The following GAB2 variants were observed in gnomAD, a reference collection of about 807,000 sequenced individuals.
The protein encoded by GAB2 is GRB2 associated binding protein 2, also known as GRB2-associated-binding protein 2.
Under a neutral mutation model 65.5 loss-of-function variants are expected in GAB2, and 26 were observed. The observed-to-expected ratio is 0.40, with a 90% CI of 0.29 to 0.55. GAB2 has a LOEUF of 0.55. GAB2 is among the 20% of genes least tolerant of loss of function. The pLI is 0.53. For synonymous variants in GAB2, 321 were observed against 329.6 expected (o/e 0.97, Z 0.28); for missense variants, 884 against 875.8 (o/e 1.01, Z -0.12).
intron 8 of GAB2, 34 bp from the exon 9 acceptor site, chr11:78,220,478 C>T (rs901669310): frequency 8.5e-6 from 13 of 1,535,414 alleles, no homozygotes; most frequent in African/African-American, 4.1e-5. Flanking sequence ...TGAGTGACTG[C>T]AGAAAACAGA....
At chr11:78,410,481 G>T (rs1857113126) in intron 1 of GAB2, among the ~76,000 whole-genome samples, 1 of 152,206 alleles carries the variant, frequency 6.6e-6, no homozygotes, top group African/African-American at 2.4e-5. Context: ...TCCACCCCAG[G>T]TGACAGAGTG....
chr11:78,301,331 T>TTC (rs1867012635), intron 1 of GAB2, among the ~76,000 whole-genome samples: 1 of 118,456 alleles, frequency 8.4e-6, no homozygotes, highest in African/African-American at 3.9e-5. Context: ...TATCTTGTGG[T>TTC]TTTTTGTTTT....
chr11:78,222,588 A>G (rs1864485227), intron 6 of GAB2, among the ~76,000 whole-genome samples: 1 of 150,256 alleles, frequency 6.7e-6, no homozygotes, highest in Non-Finnish European at 1.5e-5. Context: ...TAACACACAT[A>G]TATGTATTTT....
chr11:78,323,199 A>G (rs1320854445), intron 1 of GAB2, among the ~76,000 whole-genome samples: 1 of 152,110 alleles, frequency 6.6e-6, no homozygotes, highest in African/African-American at 2.4e-5. Context: ...TCATTATTCT[A>G]AGTGAATTAA....
chr11:78,283,608 C>T (rs1866390142), intron 1 of GAB2, among the ~76,000 whole-genome samples: 1 of 152,142 alleles, frequency 6.6e-6, no homozygotes, highest in South Asian at 2.1e-4. Flanking sequence ...ACCACCCCAA[C>T]TGCACCACTG....
chr11:78,399,778 T>C (rs1387126027), intron 1 of GAB2, among the ~76,000 whole-genome samples: 2 of 152,206 alleles, frequency 1.3e-5, no homozygotes, highest in South Asian at 2.1e-4. Flanking sequence ...CAGTACTTAA[T>C]ACTCTGGACT....
At chr11:78,252,103 CCTT>C (rs1865471831) in intron 2 of GAB2, among the ~76,000 whole-genome samples, 2 of 152,216 alleles carry the variant, frequency 1.3e-5, no homozygotes, top group Non-Finnish European at 2.9e-5. Flanking sequence ...ACACAGTTCA[CCTT>C]CTACGCCCTG....
chr11:78,417,616 C>A (rs1156778784), intron 1 of GAB2, 30 bp downstream of exon 1: 4 of 1,268,360 alleles, frequency 3.2e-6, no homozygotes, highest in Non-Finnish European at 4.1e-6. Flanking sequence ...CGCCCCCCGC[C>A]CGCCCCTGGG....
intron 2 of GAB2, among the ~76,000 whole-genome samples, chr11:78,278,610 C>T (rs767390564): frequency 8.6e-5 from 13 of 151,554 alleles, no homozygotes; most frequent in South Asian, 2.1e-4. Context: ...AACTCCAGGC[C>T]TCAGGTGATC....
intron 1 of GAB2, among the ~76,000 whole-genome samples, chr11:78,321,961 C>T (rs1228333126): frequency 6.6e-6 from 1 of 151,668 alleles, no homozygotes; most frequent in East Asian, 1.9e-4. Flanking sequence ...AACTGGACTC[C>T]TACCTATCAT....
intron 1 of GAB2, among the ~76,000 whole-genome samples, chr11:78,299,874 A>T (rs944484068): frequency 2.0e-5 from 3 of 152,218 alleles, no homozygotes; most frequent in Non-Finnish European, 4.4e-5. Flanking sequence ...TTTAATTTGT[A>T]AGAATTCAGT....
intron 2 of GAB2, among the ~76,000 whole-genome samples, chr11:78,272,254 T>C (rs942290863): frequency 2.0e-5 from 3 of 151,716 alleles, no homozygotes; most frequent in African/African-American, 7.3e-5. Context: ...CAGGCAGGGG[T>C]TGGAACAGTT....
rs988209747 is a variant in GAB2, at chr11:78,215,332, C to T, written c.*3940G>A. Reference sequence around the variant, plus strand: ...TCTAGTGGACTTTATTGTCCTGCTCCAACACCACAGTAGAAAGGGACCTGC... The same window carrying T: ...TCTAGTGGACTTTATTGTCCTGCTCTAACACCACAGTAGAAAGGGACCTGC... On this transcript the variant is annotated 3_prime_UTR_variant, in exon 10 of 10. Coordinates refer to ENST00000361507, the MANE Select transcript of GAB2 (RefSeq NM_080491.3). The T allele has an allele frequency of 2.6e-5, 4 of 152,534 alleles. No homozygotes were observed. The highest frequency in any genetic ancestry group is 6.5e-5 in the Admixed American group (1 of 15,268). The allele number at this position is 152,534 out of a possible 1,614,324, so 9.4% of individuals were successfully genotyped here. A position where few individuals can be genotyped will look rare whatever the true frequency, so the allele number is the denominator to read the frequency against.
chr11:78,221,720 G>A lies in GAB2; in HGVS notation c.1718C>T (p.Thr573Ile), dbSNP rs1401911700. ...YCRPISTQSI[T>I]STDSGDSEEN... The stretch of plus-strand genomic sequence containing the variant: ...TTCGCTGTCTCCTGAGTCTGTGCTG[G>A]TGATGCTCTGGGTGGAGATGGGGCG... The change falls in exon 8 of 10, where the codon ACC becomes ATC. Residue 573 changes from threonine (T) to isoleucine (I), a missense_variant. Thr to Ile is a moderately conservative substitution (Grantham distance 89). Transcript: ENST00000361507. 3 of 1,613,742 alleles carry A rather than the reference G, an allele frequency of 1.9e-6. No homozygotes were observed. Among genetic ancestry groups the A allele is most frequent in the Non-Finnish European group, 8.5e-7 (1 of 1,179,720 alleles).
At chr11:78,330,242 G>C (rs1043018921) in intron 1 of GAB2, among the ~76,000 whole-genome samples, 3 of 152,144 alleles carry the variant, frequency 2.0e-5, no homozygotes, top group African/African-American at 4.8e-5. Context: ...CTATCATTTG[G>C]TAAGCATCTA....
At position 78,339,445 on chromosome 11, in the gene GAB2, C is replaced by T. The variant is rs149412846; in HGVS notation, c.76-58544G>A. 3.2e-3 allele frequency among the ~76,000 whole-genome samples: 485 copies of T among 152,228 alleles called. 1 individual carries two copies. Among genetic ancestry groups the T allele is most frequent in the Non-Finnish European group, 4.9e-3 (333 of 68,000 alleles). ...TTTCAACAGACTAAGCATCTGATAACACTTAAAAAATAAATAGCAGACTAT... is the reference window on the plus strand; with the variant it reads ...TTTCAACAGACTAAGCATCTGATAATACTTAAAAAATAAATAGCAGACTAT... On this transcript the variant is annotated intron_variant, in intron 1 of 9. Transcript: ENST00000361507.
chr11:78,387,990 T>C (rs1856789987), intron 1 of GAB2: 1 of 152,088 alleles, frequency 6.6e-6, no homozygotes, highest in African/African-American at 2.4e-5. Context: ...AGGACAGTAC[T>C]CTATATAGTA....
intron 1 of GAB2, among the ~76,000 whole-genome samples, chr11:78,349,132 G>C (rs1454651217): frequency 1.3e-5 from 2 of 152,178 alleles, no homozygotes; most frequent in Admixed American, 1.3e-4. Context: ...AGACACCTAT[G>C]AGACTCATTA....
chr11:78,298,806 A>C (rs2134620528), intron 1 of GAB2, among the ~76,000 whole-genome samples: 1 of 152,334 alleles, frequency 6.6e-6, no homozygotes, highest in African/African-American at 2.4e-5. Flanking sequence ...GATGCCCAGG[A>C]ATATAAATTG....
Sources: allele counts gnomAD v4.1 joint callset (sites outside exome capture counted in the v4.1 genomes callset), GRCh38; gene constraint gnomAD v4.1.1; transcripts MANE v1.5; gene names NCBI Gene and HGNC (gene_info 2026-07-23, HGNC 2026-07-21).